Variants in SOS2 observed in about 807,000 individuals in gnomAD.
The protein encoded by SOS2 is SOS Ras/Rho guanine nucleotide exchange factor 2, also known as son of sevenless homolog 2.
SOS2 carries 65 observed loss-of-function variants against 148.2 expected under a neutral mutation model. The observed-to-expected ratio is 0.44, with a 90% CI of 0.36 to 0.54. SOS2 has a LOEUF of 0.54. Ranked by LOEUF, SOS2 falls within the 20% of genes least tolerant of loss-of-function variation. The probability of loss-of-function intolerance (pLI) is 0.00; values close to 1 mark genes in which losing one functional copy is unlikely to be tolerated. For synonymous variants in SOS2, 539 were observed against 537.1 expected (o/e 1.00, Z -0.05); for missense variants, 1,341 against 1,590.2 (o/e 0.84, Z 2.67).
intron 8 of SOS2, among the ~76,000 whole-genome samples, chr14:50,173,453 G>A (rs1261877800): frequency 2.6e-5 from 4 of 151,246 alleles, no homozygotes; most frequent in South Asian, 4.2e-4. Context: ...ACGGAGTCTC[G>A]CTCTGTCGCC....
In SOS2 at chr14:50,199,805, A is replaced by G. The variant is rs774402309; in HGVS notation, c.396T>C (p.Ala132=). 19 of 1,596,226 alleles carry G rather than the reference A, an allele frequency of 1.2e-5. No homozygotes were observed. Among genetic ancestry groups the G allele is most frequent in the Non-Finnish European group, 1.6e-5 (19 of 1,165,356 alleles). The change falls in exon 4 of 23, where the codon GCT becomes GCC. Residue 132 remains alanine (A), a synonymous_variant. Coordinates refer to ENST00000216373, the MANE Select transcript of SOS2 (RefSeq NM_006939.4). ...VDYHVSLYIV[A]VLEYISADIL... ...TATCAGCTGAGATATACTCTAGTAC[A>G]GCCACAATATATAGGGATACATGGT...
Position 50,159,910 on chromosome 14 carries a change from T to C in SOS2, c.1373A>G (p.His458Arg), listed in dbSNP as rs766792092. 6 of 1,614,174 alleles carry C rather than the reference T, an allele frequency of 3.7e-6. No individual in the cohort carries two copies. Among genetic ancestry groups the C allele is most frequent in the East Asian group, 4.5e-5 (2 of 44,884 alleles). Residue 458 changes from histidine to arginine, a missense_variant, in exon 10 of 23, where the codon CAT becomes CGT. This residue lies in a region of SOS2 where 574 missense variants were observed against 711.1 expected (regional missense o/e 0.81). Transcript: ENST00000216373. ...LTRIGAKHER[H>R]IFLFDGLMIS... ...CATTAAGCCATCAAACAGAAAAATA[T>C]GCCGTTCATGTTTGGCACCGATTCT...
chr14:50,224,056 G>A (rs1171024856), intron 1 of SOS2, among the ~76,000 whole-genome samples: 7 of 151,658 alleles, frequency 4.6e-5, no homozygotes, highest in Admixed American at 1.3e-4. Flanking sequence ...GGGCCGAGGC[G>A]GGCAGATCAC....
intron 4 of SOS2, among the ~76,000 whole-genome samples, chr14:50,193,144 T>C (rs1393135416): frequency 6.6e-6 from 1 of 152,162 alleles, no homozygotes; most frequent in Non-Finnish European, 1.5e-5. Context: ...ATTTTTTTTA[T>C]TTTTAGTAGA....
At chr14:50,189,823 A>C (rs2139740614) in intron 4 of SOS2, among the ~76,000 whole-genome samples, 1 of 150,418 alleles carries the variant, frequency 6.6e-6, no homozygotes, top group East Asian at 2.0e-4. Context: ...CAAAGTGAAA[A>C]AGAAAGTTGA....
At chr14:50,222,905 A>T (rs1887241252) in intron 1 of SOS2, among the ~76,000 whole-genome samples, 1 of 152,216 alleles carries the variant, frequency 6.6e-6, no homozygotes, top group Admixed American at 6.5e-5. Flanking sequence ...AGAAAAAGAA[A>T]CTAAATAGGA....
At chr14:50,204,689 C>G (rs966918429) in intron 1 of SOS2, among the ~76,000 whole-genome samples, 36 of 152,118 alleles carry the variant, frequency 2.4e-4, no homozygotes, top group African/African-American at 8.4e-4. Flanking sequence ...CTATTCTATA[C>G]AATTTCAGAG....
At chr14:50,161,122 G>A (rs189794040) in intron 9 of SOS2, among the ~76,000 whole-genome samples, 32 of 152,042 alleles carry the variant, frequency 2.1e-4, no homozygotes, top group African/African-American at 6.0e-4. Context: ...GTAAAACCCC[G>A]TCTCTACTAA....
At chr14:50,227,441 C>T (rs1887414075) in intron 1 of SOS2, among the ~76,000 whole-genome samples, 1 of 150,672 alleles carries the variant, frequency 6.6e-6, no homozygotes, top group Non-Finnish European at 1.5e-5. Context: ...GAGACAGAGT[C>T]TTACTCCATC....
At chr14:50,230,080 A>C (rs73291673) in intron 1 of SOS2, among the ~76,000 whole-genome samples, 1 of 152,084 alleles carries the variant, frequency 6.6e-6, no homozygotes, top group African/African-American at 2.4e-5. Flanking sequence ...GCCCTGAGGA[A>C]AGCAATACTT....
At chr14:50,213,442 G>C (rs1886947320) in intron 1 of SOS2, among the ~76,000 whole-genome samples, 1 of 152,120 alleles carries the variant, frequency 6.6e-6, no homozygotes, top group Non-Finnish European at 1.5e-5. Context: ...TCATGCCTAT[G>C]ATCTCAGCAC....
At chr14:50,214,573 T>C (rs1595030897) in intron 1 of SOS2, among the ~76,000 whole-genome samples, 1 of 152,068 alleles carries the variant, frequency 6.6e-6, no homozygotes, top group African/African-American at 2.4e-5. Flanking sequence ...GCTACTCTAG[T>C]GGCTGAGGTG....
chr14:50,222,475 A>T lies in SOS2; in HGVS notation c.87+8722T>A, dbSNP rs80312633. Reference sequence around the variant, plus strand: ...AGGTTTATGGGAAAAAATACTGTGAACACTGATGTGGGACTGTCTGGGAAG... The same window carrying T: ...AGGTTTATGGGAAAAAATACTGTGATCACTGATGTGGGACTGTCTGGGAAG... On this transcript the variant is annotated intron_variant, in intron 1 of 22. Coordinates refer to ENST00000216373, the MANE Select transcript of SOS2 (RefSeq NM_006939.4). 4.2e-3 allele frequency among the ~76,000 whole-genome samples: 643 copies of T among 152,294 alleles called. 2 individuals are homozygous for T. Among genetic ancestry groups the T allele is most frequent in the African/African-American group, 0.014 (593 of 41,566 alleles).
chr14:50,200,513 G>A (rs1485024680), intron 3 of SOS2, among the ~76,000 whole-genome samples: 2 of 151,900 alleles, frequency 1.3e-5, no homozygotes, highest in African/African-American at 2.4e-5. Flanking sequence ...CTACTACATA[G>A]GAATTAGTCA....
chr14:50,117,680 A>T lies in SOS2; in HGVS notation c.*664T>A, dbSNP rs1184648282. On this transcript the variant is annotated 3_prime_UTR_variant, in exon 23 of 23. Transcript: ENST00000216373. ...CATAGTCTGCAAAAACAAAAGGCAC[A>T]TCTGAATGAGATACATGCCCTTTTT... 6.6e-6 allele frequency: 1 copy of T among 152,264 alleles called. No individual in the cohort carries two copies. The highest frequency in any genetic ancestry group is 1.5e-5 in the Non-Finnish European group (1 of 68,044). 9.4% of individuals were successfully genotyped at this position (152,264 alleles called of 1,614,324 possible).
chr14:50,127,517 G>A (rs1883722859), intron 21 of SOS2, among the ~76,000 whole-genome samples: 1 of 152,130 alleles, frequency 6.6e-6, no homozygotes, highest in African/African-American at 2.4e-5. Flanking sequence ...ACTACAGCAG[G>A]TACTCAAGAC....
chr14:50,168,681 C>T (rs1032994317), intron 8 of SOS2, among the ~76,000 whole-genome samples: 2 of 152,104 alleles, frequency 1.3e-5, no homozygotes, highest in Non-Finnish European at 2.9e-5. Context: ...AATGCCGTTT[C>T]GTGATACTGT....
intron 4 of SOS2, 25 bp from the exon 5 acceptor site, chr14:50,188,725 A>T (rs759492193): frequency 6.8e-7 from 1 of 1,468,014 alleles, no homozygotes; most frequent in Non-Finnish European, 9.3e-7. Context: ...TCAATAATGT[A>T]TAAATTTATT....
chr14:50,135,071 C>CAAAAAAAAAAAAAA (rs746540364), intron 18 of SOS2, among the ~76,000 whole-genome samples: 9 of 57,486 alleles, frequency 1.6e-4, no homozygotes, highest in Non-Finnish European at 2.0e-4. Flanking sequence ...GAGACTGTCT[C>CAAAAAAAAAAAAAA]AAAAAAAAAA....
Sources: gnomAD v4.1 joint callset for allele counts (sites outside exome capture counted in the v4.1 genomes callset) on GRCh38, gnomAD v4.1.1 for gene constraint, gnomAD v4.1.1 regional missense constraint, MANE v1.5 for transcripts, NCBI Gene and HGNC (gene_info 2026-07-23, HGNC 2026-07-21) for gene names.